NEO1: variants seen among roughly 807,000 people sequenced by gnomAD.
NEO1 encodes the protein neogenin 1.
Under a neutral mutation model 159.7 loss-of-function variants are expected in NEO1, and 63 were observed. The observed-to-expected ratio is 0.39, with a 90% CI of 0.32 to 0.49. NEO1 has a LOEUF of 0.49. Among genes scored for constraint, NEO1 ranks in the 20% least tolerant of loss-of-function variants. The pLI is 0.85. For synonymous variants in NEO1, 633 were observed against 662.0 expected, an observed-to-expected ratio of 0.96 and a Z score of 0.67; for missense variants, 1,615 against 1,831.0, an observed-to-expected ratio of 0.88 and a Z score of 2.15.
intron 5 of NEO1, among the ~76,000 whole-genome samples, chr15:73,168,521 A>C (rs2034739188): frequency 6.6e-6 from 1 of 152,010 alleles, no homozygotes; most frequent in African/African-American, 2.4e-5. Context: ...AATTAGTATC[A>C]GATGGATGAG....
intron 5 of NEO1, among the ~76,000 whole-genome samples, chr15:73,144,718 T>C (rs1000062771): frequency 6.6e-6 from 1 of 152,182 alleles, no homozygotes; most frequent in African/African-American, 2.4e-5. Flanking sequence ...CAATTGGATG[T>C]CCCACAGGTA....
chr15:73,162,725 G>A, intron 5 of NEO1: 1 of 169,618 alleles, frequency 5.9e-6, no homozygotes, highest in Non-Finnish European at 1.3e-5. Context: ...TAATTGGACT[G>A]CCTTCGTAAT....
At chr15:73,244,120 T>C (rs976917006) in intron 8 of NEO1, among the ~76,000 whole-genome samples, 1 of 152,220 alleles carries the variant, frequency 6.6e-6, no homozygotes, top group Non-Finnish European at 1.5e-5. Flanking sequence ...GTCAGCGATA[T>C]CAGTAACATT....
intron 18 of NEO1, among the ~76,000 whole-genome samples, chr15:73,271,765 G>T (rs1427885640): frequency 6.6e-6 from 1 of 151,982 alleles, no homozygotes; most frequent in Admixed American, 6.6e-5. Context: ...AAATTAGCTG[G>T]ATGTGGTGGT....
intron 16 of NEO1, among the ~76,000 whole-genome samples, chr15:73,269,653 C>A (rs998639953): frequency 3.9e-5 from 6 of 152,198 alleles, no homozygotes; most frequent in African/African-American, 9.7e-5. Flanking sequence ...AGCCACTGCA[C>A]CTGGCCTCAT....
chr15:73,161,284 A>C (rs965985624), intron 5 of NEO1, among the ~76,000 whole-genome samples: 7 of 152,192 alleles, frequency 4.6e-5, no homozygotes, highest in Admixed American at 4.6e-4. Flanking sequence ...TGGTGTAAGA[A>C]ATGAGATACA....
intron 5 of NEO1, among the ~76,000 whole-genome samples, chr15:73,136,896 G>C (rs2031822248): frequency 1.3e-5 from 2 of 152,030 alleles, no homozygotes; most frequent in African/African-American, 4.8e-5. Flanking sequence ...TAGGAAGACT[G>C]CTCCCAGTGC....
chr15:73,267,975 TAAGG>T (rs943938814), intron 16 of NEO1, among the ~76,000 whole-genome samples: 1 of 152,232 alleles, frequency 6.6e-6, no homozygotes, highest in Non-Finnish European at 1.5e-5. Flanking sequence ...GTAACATTCT[TAAGG>T]AAGGCTTACC....
chr15:73,052,694 G>T lies in NEO1; in HGVS notation c.19G>T (p.Ala7Ser), dbSNP rs868495879. The change falls in exon 1 of 29, where the codon GCC becomes TCC. Residue 7 changes from alanine (A) to serine (S), a missense_variant. Ala to Ser is a moderately conservative substitution (Grantham distance 99). This residue lies in a region of NEO1 where 1,018 missense variants were observed against 1,115.4 expected (regional missense o/e 0.91). Transcript: ENST00000261908. MAAERG[A>S]RRLLSTPSFW... ...GGAAGAGATGGCGGCGGAGCGGGGAGCCCGGCGACTCCTCAGCACCCCCTC... is the reference window on the plus strand; with the variant it reads ...GGAAGAGATGGCGGCGGAGCGGGGATCCCGGCGACTCCTCAGCACCCCCTC... 7.4e-7 allele frequency: 1 copy of T among 1,358,144 alleles called. No individual in the cohort carries two copies. The allele number at this position is 1,358,144 out of a possible 1,614,324, so 84.1% of individuals were successfully genotyped here.
intron 1 of NEO1, among the ~76,000 whole-genome samples, chr15:73,071,906 A>G (rs1017283045): frequency 1.1e-4 from 16 of 151,410 alleles, no homozygotes; most frequent in African/African-American, 3.9e-4. Flanking sequence ...CATAGAAATG[A>G]TCATACTATA....
chr15:73,224,958 T>C (rs1186712102), intron 7 of NEO1, among the ~76,000 whole-genome samples: 1 of 152,166 alleles, frequency 6.6e-6, no homozygotes, highest in Admixed American at 6.5e-5. Context: ...CATCTAGAGC[T>C]GAAGGTTGTT....
intron 1 of NEO1, among the ~76,000 whole-genome samples, chr15:73,061,770 T>G (rs2067990700): frequency 6.6e-6 from 1 of 152,198 alleles, no homozygotes; most frequent in Non-Finnish European, 1.5e-5. Flanking sequence ...ACTTAAAATA[T>G]CTGGTACATA....
Position 73,293,487 on chromosome 15 carries a change from C to T in NEO1, c.3840C>T (p.His1280=). Residue 1280 remains histidine (H), a synonymous_variant, in exon 26 of 29, where the codon CAC becomes CAT. Transcript: ENST00000261908. ...CTCCAGCTCGCAGTCATCTCTACCA[C>T]CCGGGCAGCCCATGGCCCATTGGCA... is the stretch of plus-strand genomic sequence containing the variant. ...LASPARSHLY[H]PGSPWPIGTS... 6.2e-7 allele frequency: 1 copy of T among 1,614,190 alleles called. No individual in the cohort carries two copies. The highest frequency in any genetic ancestry group is 8.5e-7 in the Non-Finnish European group (1 of 1,180,030).
intron 7 of NEO1, among the ~76,000 whole-genome samples, chr15:73,215,985 G>C (rs1299600847): frequency 1.3e-5 from 2 of 151,704 alleles, no homozygotes; most frequent in African/African-American, 4.8e-5. Context: ...ACAATGTGCA[G>C]GCTAGTTACA....
chr15:73,233,783 A>G (rs374207132), intron 7 of NEO1, among the ~76,000 whole-genome samples: 4 of 152,064 alleles, frequency 2.6e-5, no homozygotes, highest in African/African-American at 9.7e-5. Context: ...CTGCTTTCCT[A>G]CTGAAATCCT....
rs138618617 is a variant in NEO1 at position 73,156,473 on chromosome 15, T to C, written c.1016-19930T>C. Among the ~76,000 whole-genome samples the C allele has an allele frequency of 5.3e-5, 8 of 152,252 alleles. No homozygotes were observed. The East Asian group carries it at 1.5e-3, about 29-fold the overall frequency. On this transcript the variant is annotated intron_variant, in intron 5 of 28. Transcript: ENST00000261908. ...TCTCAAATGCCTGTTGTAGTAGAGG[T>C]AGACCATGCAGGTGAGCAGACTCTT...
At chr15:73,245,078 TA>T (rs1247405895) in intron 9 of NEO1, among the ~76,000 whole-genome samples, 1 of 151,862 alleles carries the variant, frequency 6.6e-6, no homozygotes, top group East Asian at 1.9e-4. Flanking sequence ...AGATGCCTTC[TA>T]GAATCTTTCC....
At chr15:73,226,808 A>G (rs1229607943) in intron 7 of NEO1, among the ~76,000 whole-genome samples, 1 of 152,234 alleles carries the variant, frequency 6.6e-6, no homozygotes, top group Non-Finnish European at 1.5e-5. Context: ...ATACTTTCCT[A>G]CCTTTCAAAT....
intron 7 of NEO1, among the ~76,000 whole-genome samples, chr15:73,217,709 A>G (rs1281817209): frequency 1.3e-5 from 2 of 151,848 alleles, no homozygotes; most frequent in East Asian, 3.9e-4. Context: ...ATGGGAGTTC[A>G]CTCATGATTT....
Sources: gnomAD v4.1 joint callset for allele counts (sites outside exome capture counted in the v4.1 genomes callset) on GRCh38, gnomAD v4.1.1 for gene constraint, gnomAD v4.1.1 regional missense constraint, MANE v1.5 for transcripts, NCBI Gene and HGNC (gene_info 2026-07-23, HGNC 2026-07-21) for gene names.